Variants in SMAD2 observed in about 807,000 individuals in gnomAD.
SMAD2 encodes the protein SMAD family member 2.
SMAD2 carries 8 observed loss-of-function variants against 64.4 expected under a neutral mutation model. The ratio of observed to expected loss-of-function variants is 0.12; its 90% CI spans 0.07 to 0.22. SMAD2 has a LOEUF of 0.22. Among genes scored for constraint, SMAD2 ranks in the 10% least tolerant of loss-of-function variants. The pLI is 1.00. For missense variants in SMAD2, 289 were observed against 561.2 expected, an observed-to-expected ratio of 0.51 and a Z score of 4.90; for synonymous variants, 203 against 195.8, an observed-to-expected ratio of 1.04 and a Z score of -0.31.
rs773512412 is a variant in SMAD2 at position 47,817,697 on chromosome 18, C to T, written c.*24130G>A. 2 of 152,172 alleles carry T rather than the reference C, an allele frequency of 1.3e-5. No individual in the cohort carries two copies. The highest frequency in any genetic ancestry group is 2.9e-5 in the Non-Finnish European group (2 of 68,040). 9.4% of individuals were successfully genotyped at this position (152,172 alleles called of 1,614,324 possible). On this transcript the variant is annotated 3_prime_UTR_variant, in exon 11 of 11. Transcript: ENST00000262160. ...TTTAATCTGCATGACTGGGTTAACACTTTTGGGAACACTGATTTTGGTTTC... is the reference window on the plus strand; with the variant it reads ...TTTAATCTGCATGACTGGGTTAACATTTTTGGGAACACTGATTTTGGTTTC...
intron 1 of SMAD2, among the ~76,000 whole-genome samples, chr18:47,898,881 T>G (rs574938492): frequency 8.7e-6 from 1 of 114,792 alleles, no homozygotes; most frequent in Non-Finnish European, 1.8e-5. Context: ...CTTTTTGCAT[T>G]CAACAATTTT....
chr18:47,867,008 C>G (rs986560623), intron 5 of SMAD2: 4 of 152,168 alleles, frequency 2.6e-5, no homozygotes, highest in African/African-American at 7.2e-5. Flanking sequence ...GTATTGCTGG[C>G]TGAATAACAG....
intron 2 of SMAD2, among the ~76,000 whole-genome samples, chr18:47,880,891 T>G (rs1394628958): frequency 6.6e-6 from 1 of 152,152 alleles, no homozygotes; most frequent in African/African-American, 2.4e-5. Context: ...GATCAGCAGG[T>G]GATTTTGGCA....
At chr18:47,850,214 A>AT (rs1914993049) in intron 7 of SMAD2, among the ~76,000 whole-genome samples, 1 of 80,064 alleles carries the variant, frequency 1.2e-5, no homozygotes, top group Non-Finnish European at 2.2e-5. Flanking sequence ...ATATTATTAT[A>AT]TATATGTATA....
chr18:47,848,302 C>T (rs1598751235), intron 8 of SMAD2, among the ~76,000 whole-genome samples, 173 bp downstream of exon 8: 1 of 152,172 alleles, frequency 6.6e-6, no homozygotes, highest in Admixed American at 6.6e-5. Flanking sequence ...GCTGAAGCAT[C>T]ACCAGGATCT....
intron 1 of SMAD2, among the ~76,000 whole-genome samples, chr18:47,915,527 A>G (rs1455481412): frequency 6.6e-6 from 1 of 152,172 alleles, no homozygotes; most frequent in Non-Finnish European, 1.5e-5. Flanking sequence ...ACCATGTAAA[A>G]GCTCTTCTAG....
rs577372831 is a variant in SMAD2 at position 47,828,826 on chromosome 18, C to G, written c.*13001G>C. 917 of 169,502 alleles carry G rather than the reference C, an allele frequency of 5.4e-3. 4 individuals carry two copies. Among genetic ancestry groups the G allele is most frequent in the African/African-American group, 0.021 (856 of 41,184 alleles). 10.5% of individuals were successfully genotyped at this position (169,502 alleles called of 1,614,324 possible). On this transcript the variant is annotated 3_prime_UTR_variant, in exon 11 of 11. Coordinates refer to ENST00000262160, the MANE Select transcript of SMAD2 (RefSeq NM_005901.6). ...CCGCAGGGTCCTCTGCCTAGGAAAA[C>G]CAGAGACCCTTGTTCACATGTTTAT...
chr18:47,924,991 A>T (rs183701645), intron 1 of SMAD2, among the ~76,000 whole-genome samples: 2 of 152,352 alleles, frequency 1.3e-5, no homozygotes, highest in East Asian at 3.9e-4. Context: ...ACTAATGAAC[A>T]GATGGAATAC....
chr18:47,813,914 T>C lies in SMAD2; in HGVS notation c.*27913A>G, dbSNP rs1912286196. 1 of 152,008 alleles carries C rather than the reference T, an allele frequency of 6.6e-6. No individual in the cohort carries two copies. The highest frequency in any genetic ancestry group is 2.1e-4 in the South Asian group (1 of 4,820). The allele number at this position is 152,008 out of a possible 1,614,324, so 9.4% of individuals were successfully genotyped here. On this transcript the variant is annotated 3_prime_UTR_variant, in exon 11 of 11. Coordinates refer to ENST00000262160, the MANE Select transcript of SMAD2 (RefSeq NM_005901.6). ...AGATAGGCCTAATTATGATGAATGC[T>C]CTCTTACCAGTATAAACAAATTACA...
intron 1 of SMAD2, among the ~76,000 whole-genome samples, chr18:47,910,700 A>G (rs1277879626): frequency 1.3e-5 from 2 of 152,182 alleles, no homozygotes; most frequent in Non-Finnish European, 1.5e-5. Context: ...AGTGAATAGT[A>G]TATGTATTTT....
chr18:47,848,784 T>C lies in SMAD2; in HGVS notation c.785-97A>G, dbSNP rs767113785. ...AATATAATCATCTTTACATGCTCTA[T>C]GCCAGCCTGCACTGGCAAAAGCTCA... On this transcript the variant is annotated intron_variant, in intron 7 of 10. Transcript: ENST00000262160. The C allele has an allele frequency of 3.5e-5, 30 of 863,260 alleles. No individual in the cohort carries two copies. In the Admixed American group the frequency reaches 4.6e-4, roughly 13 times the overall value. The allele number at this position is 863,260 out of a possible 1,614,324, so 53.5% of individuals were successfully genotyped here. A position where few individuals can be genotyped will look rare whatever the true frequency, so the allele number is the denominator to read the frequency against.
chr18:47,842,055 G>A (rs2144277880), intron 10 of SMAD2, 105 bp from the exon 11 acceptor site: 1 of 1,286,652 alleles, frequency 7.8e-7, no homozygotes, highest in South Asian at 1.2e-5. Context: ...AAATTAAAAG[G>A]TTGTGTATAT....
Position 47,838,713 on chromosome 18 carries a change from AC to A in SMAD2, c.*3113del, listed in dbSNP as rs1402826701. The A allele has an allele frequency of 8.6e-6, 2 of 232,588 alleles. No individual in the cohort carries two copies. The highest frequency in any genetic ancestry group is 8.5e-6 in the Non-Finnish European group (1 of 117,664). 14.4% of individuals were successfully genotyped at this position (232,588 alleles called of 1,614,324 possible). A position where few individuals can be genotyped will look rare whatever the true frequency, so the allele number is the denominator to read the frequency against. On this transcript the variant is annotated 3_prime_UTR_variant, in exon 11 of 11. Coordinates refer to ENST00000262160, the MANE Select transcript of SMAD2 (RefSeq NM_005901.6). ...AGCAATGAAACTCTTTCCAAAAGAA[AC>A]CCCATGCAGTTCTTCAGTACAGAAT...
Position 47,826,322 on chromosome 18 carries a change from G to C in SMAD2, c.*15505C>G, listed in dbSNP as rs1282505052. The C allele has an allele frequency of 6.6e-6, 1 of 152,224 alleles. No homozygotes were observed. Among genetic ancestry groups the C allele is most frequent in the Non-Finnish European group, 1.5e-5 (1 of 68,048 alleles). The allele number at this position is 152,224 out of a possible 1,614,324, so 9.4% of individuals were successfully genotyped here. On this transcript the variant is annotated 3_prime_UTR_variant, in exon 11 of 11. Transcript: ENST00000262160. The stretch of plus-strand genomic sequence containing the variant: ...AAAGCAAGGGTGTGGTAGATTGACT[G>C]CATTTAAGGCTCCAATTCTTCACCC...
intron 2 of SMAD2, among the ~76,000 whole-genome samples, 188 bp from the exon 3 acceptor site, chr18:47,870,752 T>C (rs2031880799): frequency 6.6e-6 from 1 of 152,088 alleles, no homozygotes; most frequent in South Asian, 2.1e-4. Context: ...GCCAATAAAA[T>C]GGAACATGTG....
rs1203083923 is a variant in SMAD2 at position 47,810,432 on chromosome 18, C to T, written c.*31395G>A. ...CACCCTCCCTGCCCACCTTAATTGC[C>T]CCCACTGGAACCCTGCAGCAGTTTA... On this transcript the variant is annotated 3_prime_UTR_variant, in exon 11 of 11. Transcript: ENST00000262160. The T allele has an allele frequency of 1.3e-5, 2 of 152,280 alleles. No homozygotes were observed. The highest frequency in any genetic ancestry group is 6.5e-5 in the Admixed American group (1 of 15,282). 9.4% of individuals were successfully genotyped at this position (152,280 alleles called of 1,614,324 possible).
At chr18:47,911,596 A>G (rs1004359600) in intron 1 of SMAD2, among the ~76,000 whole-genome samples, 2 of 152,214 alleles carry the variant, frequency 1.3e-5, no homozygotes, top group Non-Finnish European at 2.9e-5. Flanking sequence ...TTGGGAGTCC[A>G]ACTAGGGTTC....
In SMAD2 at chr18:47,836,427, G is replaced by A. The variant is rs528479117; in HGVS notation, c.*5400C>T. On this transcript the variant is annotated 3_prime_UTR_variant, in exon 11 of 11. Transcript: ENST00000262160. ...TTAGTTACCAAGTTGCCAAAAAATGGTATATTAAATGAACTGCCAAATGGC... is the reference window on the plus strand; with the variant it reads ...TTAGTTACCAAGTTGCCAAAAAATGATATATTAAATGAACTGCCAAATGGC... 1 of 220,456 alleles carries A rather than the reference G, an allele frequency of 4.5e-6. No individual in the cohort carries two copies. The highest frequency in any genetic ancestry group is 9.1e-6 in the Non-Finnish European group (1 of 110,116). 13.7% of individuals were successfully genotyped at this position (220,456 alleles called of 1,614,324 possible). A position where few individuals can be genotyped will look rare whatever the true frequency, so the allele number is the denominator to read the frequency against.
At chr18:47,895,258 G>T (rs1308296596) in intron 2 of SMAD2, 1 of 152,160 alleles carries the variant, frequency 6.6e-6, no homozygotes, top group East Asian at 1.9e-4. Context: ...TCTAATACAA[G>T]AAGCTCACCT....
Sources: allele counts gnomAD v4.1 joint callset (sites outside exome capture counted in the v4.1 genomes callset), GRCh38; gene constraint gnomAD v4.1.1; transcripts MANE v1.5; gene names NCBI Gene and HGNC (gene_info 2026-07-23, HGNC 2026-07-21).